Variants in ABCA13 observed in about 807,000 individuals in gnomAD.
ABCA13 encodes ATP-binding cassette sub-family A member 13.
ABCA13 carries 476 observed loss-of-function variants against 478.7 expected under a neutral mutation model. That is an observed-to-expected ratio of 0.99 (90% CI 0.92 to 1.07). The LOEUF (loss-of-function observed/expected upper bound fraction) is 1.07, where lower values mean the gene tolerates loss of function less well. Among genes scored for constraint, ABCA13 ranks in the 50% least tolerant of loss-of-function variants. The pLI is 0.00. For synonymous variants in ABCA13, 2,252 were observed against 2,158.9 expected, an observed-to-expected ratio of 1.04 and a Z score of -1.20; for missense variants, 6,060 against 5,910.6, an observed-to-expected ratio of 1.03 and a Z score of -0.83.
chr7:48,601,024 T>G (rs1790843416), intron 58 of ABCA13, among the ~76,000 whole-genome samples: 1 of 152,130 alleles, frequency 6.6e-6, no homozygotes, highest in Admixed American at 6.6e-5. Flanking sequence ...TAGTCTTGTT[T>G]TTTTCTATTT....
Position 48,509,880 on chromosome 7 carries a change from G to A in ABCA13, c.13525-1204G>A, listed in dbSNP as rs149224850. ...GATTAATGGCCTTGTAAAAGAGGCC[G>A]CAGAGAGCTCTATGTGAGGACACAG... On this transcript the variant is annotated intron_variant, in intron 50 of 61. Coordinates refer to ENST00000435803, the MANE Select transcript of ABCA13 (RefSeq NM_152701.5). Among the ~76,000 whole-genome samples the A allele has an allele frequency of 8.6e-3, 1,304 of 152,306 alleles. 8 individuals carry two copies. The highest frequency in any genetic ancestry group is 0.029 in the South Asian group (139 of 4,820).
At chr7:48,210,329 C>A (rs548602291) in intron 3 of ABCA13, among the ~76,000 whole-genome samples, 52 of 152,250 alleles carry the variant, frequency 3.4e-4, no homozygotes, top group Non-Finnish European at 2.6e-4. Flanking sequence ...CTAATTACCT[C>A]CCATGAAGTC....
rs1424548052 is a variant in ABCA13, at chr7:48,638,078, G to T, written c.14838-5210G>T. The stretch of plus-strand genomic sequence containing the variant: ...GCACTGAATTAGTACTGAATGGATG[G>T]AGGAAAGGAGATCTGGTTGTGGGTA... On this transcript the variant is annotated intron_variant, in intron 59 of 61. Coordinates refer to ENST00000435803, the MANE Select transcript of ABCA13 (RefSeq NM_152701.5). Among the ~76,000 whole-genome samples the T allele has an allele frequency of 3.9e-5, 6 of 152,314 alleles. No homozygotes were observed. In the South Asian group the frequency reaches 1.2e-3, roughly 32 times the overall value.
At chr7:48,579,983 T>C (rs768457369) in intron 55 of ABCA13, among the ~76,000 whole-genome samples, 7 of 152,220 alleles carry the variant, frequency 4.6e-5, no homozygotes, top group Non-Finnish European at 8.8e-5. Flanking sequence ...TAAAGAGCTT[T>C]TCCTTTGTCC....
At chr7:48,626,774 G>A (rs953179746) in intron 59 of ABCA13, 2 of 985,460 alleles carry the variant, frequency 2.0e-6, no homozygotes, top group Non-Finnish European at 1.2e-6. Context: ...GATGTCTTTA[G>A]AGAAACAGAA....
chr7:48,201,300 T>C lies in ABCA13; in HGVS notation c.287+2940T>C, dbSNP rs536050007. Among the ~76,000 whole-genome samples the C allele has an allele frequency of 2.5e-3, 383 of 152,288 alleles. 2 individuals carry two copies. The highest frequency in any genetic ancestry group is 8.9e-3 in the African/African-American group (370 of 41,550). On this transcript the variant is annotated intron_variant, in intron 3 of 61. Coordinates refer to ENST00000435803, the MANE Select transcript of ABCA13 (RefSeq NM_152701.5). ...CGGGTTTCAGGAGGAGCCAAGATGT[T>C]TGATTATACTCCACTGCTTCAAGGG...
At chr7:48,509,106 G>C (rs935853152) in intron 50 of ABCA13, among the ~76,000 whole-genome samples, 1 of 152,120 alleles carries the variant, frequency 6.6e-6, no homozygotes, top group Non-Finnish European at 1.5e-5. Flanking sequence ...CAGTAGGACT[G>C]GGGGGACTTG....
At chr7:48,446,737 T>G (rs774118513) in intron 42 of ABCA13, among the ~76,000 whole-genome samples, 3 of 152,228 alleles carry the variant, frequency 2.0e-5, no homozygotes, top group Non-Finnish European at 4.4e-5. Context: ...CCTAGAGTGC[T>G]GTCTTTTCTT....
rs190049795 is a variant in ABCA13 at position 48,602,703 on chromosome 7, G to A, written c.14744+7890G>A. The stretch of plus-strand genomic sequence containing the variant: ...TTTTGCTTAGGATTGTCTTGGTTAC[G>A]CGGGCTCTTTTTTGGTTCCATATGA... On this transcript the variant is annotated intron_variant, in intron 58 of 61. Coordinates refer to ENST00000435803, the MANE Select transcript of ABCA13 (RefSeq NM_152701.5). 1.0e-3 allele frequency among the ~76,000 whole-genome samples: 156 copies of A among 151,992 alleles called. 1 individual carries two copies. Among genetic ancestry groups the A allele is most frequent in the African/African-American group, 3.5e-3 (143 of 41,434 alleles).
At chr7:48,258,864 A>G (rs1398502181) in intron 15 of ABCA13, among the ~76,000 whole-genome samples, 1 of 152,056 alleles carries the variant, frequency 6.6e-6, no homozygotes, top group African/African-American at 2.4e-5. Context: ...ATTTTATTGT[A>G]CCTATAAGTC....
intron 58 of ABCA13, among the ~76,000 whole-genome samples, chr7:48,597,334 G>A (rs1049346426): frequency 6.6e-6 from 1 of 152,168 alleles, no homozygotes; most frequent in Non-Finnish European, 1.5e-5. Flanking sequence ...CCATTTTATA[G>A]CTATACCACT....
At position 48,229,937 on chromosome 7, in the gene ABCA13, C is replaced by T; in HGVS notation, c.745C>T (p.His249Tyr). 1 of 1,613,968 alleles carries T rather than the reference C, an allele frequency of 6.2e-7. No individual in the cohort carries two copies. Among genetic ancestry groups the T allele is most frequent in the South Asian group, 1.1e-5 (1 of 91,074 alleles). The change falls in exon 7 of 62, where the codon CAT (histidine) becomes TAT (tyrosine). Residue 249 changes from histidine (H) to tyrosine (Y), a missense_variant. Transcript: ENST00000435803. Reference sequence around the variant, plus strand: ...TTCGACACTGACATTTCTGCAGCAACATGGAGTAGCAGTCACCGGTATGGG... The same window carrying T: ...TTCGACACTGACATTTCTGCAGCAATATGGAGTAGCAGTCACCGGTATGGG... The part of the protein sequence containing the change: ...TISTLTFLQQ[H>Y]GVAVTEPVYH...
chr7:48,450,714 C>T (rs553131924), intron 42 of ABCA13, among the ~76,000 whole-genome samples: 4 of 152,124 alleles, frequency 2.6e-5, no homozygotes, highest in East Asian at 3.9e-4. Context: ...GGTTAATACA[C>T]GCTGTTAATA....
intron 58 of ABCA13, among the ~76,000 whole-genome samples, chr7:48,606,740 C>T (rs1207608793): frequency 6.6e-6 from 1 of 152,222 alleles, no homozygotes; most frequent in Non-Finnish European, 1.5e-5. Flanking sequence ...AGCTCGAACA[C>T]TGTGCTGGGA....
intron 47 of ABCA13, among the ~76,000 whole-genome samples, chr7:48,486,614 G>A (rs1829328229): frequency 6.6e-6 from 1 of 152,100 alleles, no homozygotes; most frequent in Non-Finnish European, 1.5e-5. Context: ...CCATTCCAGT[G>A]TAAATCACTA....
chr7:48,433,583 C>T (rs564011649), intron 42 of ABCA13, among the ~76,000 whole-genome samples: 13 of 151,578 alleles, frequency 8.6e-5, no homozygotes, highest in South Asian at 2.1e-4. Context: ...AGTGGCATTA[C>T]GCACATTCAC....
intron 37 of ABCA13, among the ~76,000 whole-genome samples, 178 bp downstream of exon 37, chr7:48,389,398 CTA>C: frequency 6.6e-6 from 1 of 152,242 alleles, no homozygotes; most frequent in South Asian, 2.1e-4. Context: ...GAGAGAGGCC[CTA>C]TGTCTTCAAC....
chr7:48,514,688 A>C (rs779810173), intron 51 of ABCA13, among the ~76,000 whole-genome samples: 6 of 152,142 alleles, frequency 3.9e-5, no homozygotes, highest in South Asian at 4.2e-4. Flanking sequence ...AGTAAAGGAA[A>C]GAGGGTAGGT....
At position 48,489,302 on chromosome 7, in the gene ABCA13, T is replaced by C. The variant is rs1401235251; in HGVS notation, c.13249T>C (p.Leu4417=). Residue 4417 remains leucine (L), a synonymous_variant, in exon 48 of 62, where the codon TTG becomes CTG. Transcript: ENST00000435803. The part of the protein sequence containing the change: ...SYLNHLNNLI[L]WQHLPPTVDW... ...CTTAAATCATCTAAACAACCTTATTTTGTGGCAGCACCTACCCCCTACTGT... is the reference window on the plus strand; with the variant it reads ...CTTAAATCATCTAAACAACCTTATTCTGTGGCAGCACCTACCCCCTACTGT... 1.2e-6 allele frequency: 2 copies of C among 1,612,950 alleles called. No individual in the cohort carries two copies. The highest frequency in any genetic ancestry group is 2.7e-5 in the African/African-American group (2 of 75,020).
Sources: allele counts gnomAD v4.1 joint callset (sites outside exome capture counted in the v4.1 genomes callset), GRCh38; gene constraint gnomAD v4.1.1; transcripts MANE v1.5; gene names NCBI Gene and HGNC (gene_info 2026-07-23, HGNC 2026-07-21).